NAA40: variants seen among roughly 807,000 people sequenced by gnomAD.
NAA40 encodes the protein N-alpha-acetyltransferase 40, NatD catalytic subunit.
Under a neutral mutation model 36.6 loss-of-function variants are expected in NAA40, and 26 were observed. The ratio of observed to expected loss-of-function variants is 0.71; its 90% CI spans 0.52 to 0.98. The LOEUF (loss-of-function observed/expected upper bound fraction) is 0.98. Among genes scored for constraint, NAA40 ranks in the 50% least tolerant of loss-of-function variants. NAA40 has a pLI of 0.00. For synonymous variants in NAA40, 129 were observed against 108.4 expected (o/e 1.19, Z -1.18); for missense variants, 237 against 306.5 (o/e 0.77, Z 1.69).
At chr11:63,946,598 T>C in intron 2 of NAA40, 1 of 1,261,478 alleles carries the variant, frequency 7.9e-7, no homozygotes, top group Non-Finnish European at 1.0e-6. Context: ...GGGCTTGATT[T>C]TCCATTTGGA....
chr11:63,952,499 G>A lies in NAA40; in HGVS notation c.344G>A (p.Ser115Asn). Residue 115 changes from serine to asparagine, a missense_variant, in exon 5 of 8, where the codon AGC becomes AAC. By Grantham distance (46) the Ser-to-Asn change is conservative. Transcript: ENST00000377793. The stretch of plus-strand genomic sequence containing the variant: ...TGGTACCTCATCGCGTGGGAAAACA[G>A]CTCCGTCCCTGTTGCCTTTTCTCAC... ...RAWYLIAWEN[S>N]SVPVAFSHFR... 6.2e-7 allele frequency: 1 copy of A among 1,614,192 alleles called. No homozygotes were observed.
rs1344003304 is a variant in NAA40 at position 63,957,171 on chromosome 11, A to G, written c.*2692A>G. 1 of 147,700 alleles carries G rather than the reference A, an allele frequency of 6.8e-6. No homozygotes were observed. Among genetic ancestry groups the G allele is most frequent in the African/African-American group, 2.5e-5 (1 of 40,058 alleles). The allele number at this position is 147,700 out of a possible 1,614,324, so 9.1% of individuals were successfully genotyped here. ...CTTTTTAATTTTTTTTTAAGAGGAA[A>G]TTTGGAAGATAAACTCCTTGATATA... On this transcript the variant is annotated 3_prime_UTR_variant, in exon 8 of 8. Transcript: ENST00000377793.
chr11:63,953,986 AG>A lies in NAA40; in HGVS notation c.511del (p.Val171LeufsTer3). 6.2e-7 allele frequency: 1 copy of A among 1,614,074 alleles called. No individual in the cohort carries two copies. Among genetic ancestry groups the A allele is most frequent in the Non-Finnish European group, 8.5e-7 (1 of 1,179,976 alleles). ...CTTTCTTCCAGCACACAGATGAAGA[AG>A]GTTATGTTAACAGTATTTAAACACA... ...QLMANSTQMKKVMLTVFKHNH... is the reference protein window; with the variant it reads ...QLMANSTQMKXVMLTVFKHNH... On this transcript the variant is annotated frameshift_variant, in exon 7 of 8. Transcript: ENST00000377793. LOFTEE classifies it high-confidence loss of function.
Position 63,954,391 on chromosome 11 carries a change from G to A in NAA40, c.626G>A (p.Cys209Tyr). 6.2e-7 allele frequency: 1 copy of A among 1,612,802 alleles called. No homozygotes were observed. Among genetic ancestry groups the A allele is most frequent in the Non-Finnish European group, 8.5e-7 (1 of 1,179,354 alleles). The stretch of plus-strand genomic sequence containing the variant: ...ATGTCCGGTTGCTGTGGGGAGGATT[G>A]CTCCTATGAGATCCTGAGCCGGAGG... ...PSMSGCCGED[C>Y]SYEILSRRTK... The change falls in exon 8 of 8, where the codon TGC becomes TAC. Residue 209 changes from cysteine (C) to tyrosine (Y), a missense_variant. Coordinates refer to ENST00000377793, the MANE Select transcript of NAA40 (RefSeq NM_024771.4).
intron 6 of NAA40, among the ~76,000 whole-genome samples, chr11:63,953,693 C>T (rs923538439): frequency 5.3e-5 from 8 of 152,184 alleles, no homozygotes; most frequent in African/African-American, 4.8e-5. Context: ...GATCGTATCT[C>T]ACTGCAGCCT....
Position 63,945,924 on chromosome 11 carries a change from G to A in NAA40, c.91G>A (p.Ala31Thr), listed in dbSNP as rs149315615. ...GGATGCCGTTTGTGCCAAAGTGGAC[G>A]CTGCCAACAGGGTGATTCTCCCTTT... ...AMDAVCAKVD[A>T]ANRLGDPLEA... Residue 31 changes from alanine to threonine, a missense_variant, in exon 2 of 8, where the codon GCT becomes ACT. By Grantham distance (58) the Ala-to-Thr change is moderately conservative (BLOSUM62 0). Transcript: ENST00000377793. 16 of 1,613,950 alleles carry A rather than the reference G, an allele frequency of 9.9e-6. No homozygotes were observed. The highest frequency in any genetic ancestry group is 2.2e-5 in the East Asian group (1 of 44,876).
chr11:63,940,072 T>C lies in NAA40; in HGVS notation c.6+970T>C, dbSNP rs111766916. 2.4e-4 allele frequency among the ~76,000 whole-genome samples: 22 copies of C among 91,628 alleles called. 1 individual carries two copies. The South Asian group carries it at 5.2e-3, about 22-fold the overall frequency. 60.1% of individuals were successfully genotyped at this position (91,628 alleles called of 152,430 possible). A position where few individuals can be genotyped will look rare whatever the true frequency, so the allele number is the denominator to read the frequency against. ...TTTTTTTTTTTTTTTTTTTTTGATA[T>C]GGAGTTTTGCTCTTGTCGCCGAAGC... On this transcript the variant is annotated intron_variant, in intron 1 of 7. Transcript: ENST00000377793.
chr11:63,955,134 C>CA lies in NAA40; in HGVS notation c.*656dup, dbSNP rs1400521648. 3 of 152,588 alleles carry CA rather than the reference C, an allele frequency of 2.0e-5. No homozygotes were observed. Among genetic ancestry groups the CA allele is most frequent in the African/African-American group, 2.4e-5 (1 of 41,422 alleles). 9.5% of individuals were successfully genotyped at this position (152,588 alleles called of 1,614,324 possible). On this transcript the variant is annotated 3_prime_UTR_variant, in exon 8 of 8. Transcript: ENST00000377793. ...AGGAAGACTGCCTCTCCATCGCTGT[C>CA]AGAGAGCCTGAAAGGACCAACAATG...
chr11:63,939,138 G>A, intron 1 of NAA40, 36 bp downstream of exon 1: 1 of 1,582,346 alleles, frequency 6.3e-7, no homozygotes, highest in Non-Finnish European at 8.6e-7. Context: ...GGAGGTCCAG[G>A]GGCGCTCCTC....
At chr11:63,946,874 A>G in intron 2 of NAA40, 77 bp from the exon 3 acceptor site, 2 of 1,610,012 alleles carry the variant, frequency 1.2e-6, no homozygotes, top group South Asian at 1.1e-5. Flanking sequence ...TCCCACTCCA[A>G]GACAACAGCT....
chr11:63,953,850 T>C (rs1942319379), intron 6 of NAA40, 122 bp from the exon 7 acceptor site: 4 of 812,314 alleles, frequency 4.9e-6, no homozygotes, highest in Non-Finnish European at 8.0e-6. Context: ...GGCTGGTCTC[T>C]AACTCCTGGG....
intron 2 of NAA40, 80 bp from the exon 3 acceptor site, chr11:63,946,871 C>A (rs1318882248): frequency 1.2e-6 from 2 of 1,609,228 alleles, no homozygotes; most frequent in Non-Finnish European, 1.7e-6. Context: ...GCATCCCACT[C>A]CAAGACAACA....
At position 63,956,663 on chromosome 11, in the gene NAA40, C is replaced by T. The variant is rs1055010671; in HGVS notation, c.*2184C>T. ...AACATCCATCTTTCTCCACTTCCCC[C>T]AGGTCTTGGTTTTGAGAAACAGCAG... On this transcript the variant is annotated 3_prime_UTR_variant, in exon 8 of 8. Transcript: ENST00000377793. 6.5e-6 allele frequency: 1 copy of T among 152,702 alleles called. No homozygotes were observed. Among genetic ancestry groups the T allele is most frequent in the African/African-American group, 2.4e-5 (1 of 41,444 alleles). 9.5% of individuals were successfully genotyped at this position (152,702 alleles called of 1,614,324 possible).
intron 3 of NAA40, among the ~76,000 whole-genome samples, chr11:63,949,395 C>T (rs533261274): frequency 1.3e-5 from 2 of 152,164 alleles, no homozygotes; most frequent in South Asian, 4.2e-4. Context: ...CTAGTGTACC[C>T]ATCACCCAAA....
At chr11:63,939,222 T>C in intron 1 of NAA40, 120 bp downstream of exon 1, 3 of 1,037,284 alleles carry the variant, frequency 2.9e-6, no homozygotes, top group East Asian at 6.6e-5. Flanking sequence ...ACGTGACCCC[T>C]GACCCCCACA....
At chr11:63,952,614 T>G (rs4980513) in intron 5 of NAA40, 49 bp downstream of exon 5, 1,602,804 of 1,609,428 alleles carry the variant, frequency 1, 798,302 homozygotes, top group East Asian at 1. Context: ...CCTGGCGATG[T>G]TCCAGGCACT....
chr11:63,946,825 G>T, intron 2 of NAA40, 126 bp from the exon 3 acceptor site: 1 of 1,582,554 alleles, frequency 6.3e-7, no homozygotes, highest in Non-Finnish European at 8.6e-7. Context: ...GGCTGCTCCT[G>T]GTTCTGAAGT....
intron 2 of NAA40, chr11:63,946,588 G>C: frequency 8.0e-7 from 1 of 1,245,538 alleles, no homozygotes; most frequent in South Asian, 1.6e-5. Context: ...TGTGGCTCAG[G>C]GGCTTGATTT....
chr11:63,951,374 G>A (rs1376466810), intron 3 of NAA40, among the ~76,000 whole-genome samples: 2 of 151,928 alleles, frequency 1.3e-5, no homozygotes, highest in Non-Finnish European at 2.9e-5. Flanking sequence ...ACAGAGTTTC[G>A]CTCTCACTGC....
Sources: allele counts gnomAD v4.1 joint callset (sites outside exome capture counted in the v4.1 genomes callset), GRCh38; gene constraint gnomAD v4.1.1; transcripts MANE v1.5; gene names NCBI Gene and HGNC (gene_info 2026-07-23, HGNC 2026-07-21).